The following NEO1 variants were observed in gnomAD, a reference collection of about 807,000 sequenced individuals.
NEO1 encodes the protein neogenin.
Under a neutral mutation model 159.7 loss-of-function variants are expected in NEO1, and 63 were observed. The observed-to-expected ratio is 0.39, with a 90% CI of 0.32 to 0.49. The LOEUF is 0.49. Ranked by LOEUF, NEO1 falls within the 20% of genes least tolerant of loss-of-function variation. NEO1 has a pLI of 0.85. For synonymous variants in NEO1, 633 were observed against 662.0 expected (o/e 0.96, Z 0.67); for missense variants, 1,615 against 1,831.0 (o/e 0.88, Z 2.15).
chr15:73,293,976 AC>A (rs1206116514), intron 26 of NEO1, among the ~76,000 whole-genome samples: 2 of 152,180 alleles, frequency 1.3e-5, no homozygotes, highest in African/African-American at 4.8e-5. Context: ...GGTTACTTCC[AC>A]CGTGGACCAA....
At chr15:73,235,549 A>C (rs1362873417) in intron 7 of NEO1, among the ~76,000 whole-genome samples, 1 of 152,208 alleles carries the variant, frequency 6.6e-6, no homozygotes. Flanking sequence ...GAGGTCTGCA[A>C]GCTGTTTCAG....
At chr15:73,244,981 A>AAAAAAAAAAAAAAAAC (rs1426485832) in intron 9 of NEO1, among the ~76,000 whole-genome samples, 3 of 148,112 alleles carry the variant, frequency 2.0e-5, no homozygotes, top group Non-Finnish European at 3.0e-5. Flanking sequence ...AAAAAAAAAA[A>AAAAAAAAAAAAAAAAC]AACAACAGCA....
chr15:73,208,278 T>TA (rs1459026287), intron 7 of NEO1, among the ~76,000 whole-genome samples: 2 of 152,204 alleles, frequency 1.3e-5, no homozygotes, highest in Non-Finnish European at 2.9e-5. Context: ...CCATTTCAAA[T>TA]AAGTGACATG....
chr15:73,220,755 C>T (rs1023891757), intron 7 of NEO1, among the ~76,000 whole-genome samples: 20 of 152,160 alleles, frequency 1.3e-4, no homozygotes, highest in Non-Finnish European at 2.2e-4. Context: ...ACGTAGTTCT[C>T]GAGCCTTGCT....
intron 15 of NEO1, among the ~76,000 whole-genome samples, chr15:73,264,458 A>T (rs971396529): frequency 6.6e-6 from 1 of 152,242 alleles, no homozygotes; most frequent in Non-Finnish European, 1.5e-5. Flanking sequence ...ATAGCGTTTG[A>T]AATAGAGAGA....
intron 2 of NEO1, among the ~76,000 whole-genome samples, chr15:73,117,167 T>A (rs948265489): frequency 6.6e-6 from 1 of 152,188 alleles, no homozygotes; most frequent in Non-Finnish European, 1.5e-5. Context: ...ATTAAATCAC[T>A]TTGACGGCCA....
chr15:73,136,577 A>G (rs968714143), intron 5 of NEO1, among the ~76,000 whole-genome samples: 2 of 152,108 alleles, frequency 1.3e-5, no homozygotes, highest in Non-Finnish European at 2.9e-5. Context: ...GTGCCTCTCA[A>G]TATAACTTGG....
At chr15:73,122,063 G>GTGTATATATATA (rs1290054672) in intron 2 of NEO1, among the ~76,000 whole-genome samples, 2 of 126,362 alleles carry the variant, frequency 1.6e-5, no homozygotes, top group Admixed American at 1.5e-4. Flanking sequence ...GTGTGTGTGT[G>GTGTATATATATA]TATATATATA....
chr15:73,090,979 T>G lies in NEO1; in HGVS notation c.131-25561T>G, dbSNP rs149237751. The stretch of plus-strand genomic sequence containing the variant: ...TGAGGCAGTTACTATTATCCCAATC[T>G]TATAGATGAGTAAACTGAGAATAAG... On this transcript the variant is annotated intron_variant, in intron 1 of 28. Coordinates refer to ENST00000261908, the MANE Select transcript of NEO1 (RefSeq NM_002499.4). Among the ~76,000 whole-genome samples the G allele has an allele frequency of 7.6e-3, 1,162 of 152,308 alleles. 7 individuals carry two copies. The highest frequency in any genetic ancestry group is 0.026 in the African/African-American group (1,061 of 41,558).
chr15:73,126,439 G>C lies in NEO1; in HGVS notation c.747G>C (p.Leu249Phe), dbSNP rs745561049. ...TAGATCCTGAGGTGATATCAGACTT[G>C]GTATTTTTGAAACAGCCTTCTCCCT... is the stretch of plus-strand genomic sequence containing the variant. Reference protein sequence around the residue: ...VLPDPEVISDLVFLKQPSPLV... With the variant: ...VLPDPEVISDFVFLKQPSPLV... The change falls in exon 4 of 29, where the codon TTG becomes TTC. Residue 249 changes from leucine to phenylalanine, a missense_variant. By Grantham distance (22) the Leu-to-Phe change is conservative. Around this residue, in one of 3 missense-constraint regions of NEO1, gnomAD observed 1,018 missense variants for 1,115.4 expected, o/e 0.91. Transcript: ENST00000261908. 4 of 1,600,840 alleles carry C rather than the reference G, an allele frequency of 2.5e-6. No individual in the cohort carries two copies. The East Asian group carries it at 9.0e-5, about 36-fold the overall frequency.
At chr15:73,171,003 GA>G (rs368313842) in intron 5 of NEO1, among the ~76,000 whole-genome samples, 2,394 of 138,746 alleles carry the variant, frequency 0.017, 91 homozygotes, top group South Asian at 0.13. Flanking sequence ...AGTCTCGGGG[GA>G]AAAAAAAAAA....
At chr15:73,285,448 T>G (rs1275884580) in intron 23 of NEO1, among the ~76,000 whole-genome samples, 1 of 152,240 alleles carries the variant, frequency 6.6e-6, no homozygotes, top group Non-Finnish European at 1.5e-5. Context: ...TTCTCTGTAT[T>G]GGCACGTCCT....
chr15:73,066,880 G>A (rs1178755544), intron 1 of NEO1, among the ~76,000 whole-genome samples: 1 of 152,194 alleles, frequency 6.6e-6, no homozygotes, highest in Non-Finnish European at 1.5e-5. Context: ...CCACATACCA[G>A]ATTTGTCCCT....
At chr15:73,136,221 C>G (rs1008069841) in intron 5 of NEO1, among the ~76,000 whole-genome samples, 194 bp downstream of exon 5, 1 of 152,098 alleles carries the variant, frequency 6.6e-6, no homozygotes, top group South Asian at 2.1e-4. Context: ...TATTTAATTT[C>G]TCTCAACCTC....
At chr15:73,134,530 T>C (rs79949463) in intron 4 of NEO1, among the ~76,000 whole-genome samples, 1 of 150,012 alleles carries the variant, frequency 6.7e-6, no homozygotes, top group Non-Finnish European at 1.5e-5. Flanking sequence ...TTTCCTCTGA[T>C]TTTTTTTTTA....
At chr15:73,218,784 AT>A in intron 7 of NEO1, among the ~76,000 whole-genome samples, 1 of 152,204 alleles carries the variant, frequency 6.6e-6, no homozygotes, top group Non-Finnish European at 1.5e-5. Flanking sequence ...CCCCTTTATC[AT>A]TTTTTATTGT....
intron 5 of NEO1, 102 bp from the exon 6 acceptor site, chr15:73,176,301 A>G (rs2035277405): frequency 1.4e-6 from 1 of 707,086 alleles, no homozygotes; most frequent in Non-Finnish European, 2.1e-6. Flanking sequence ...TCAAATAATG[A>G]GTAAAAATCC....
rs576566501 is a variant in NEO1, at chr15:73,269,425, A to G, written c.2495-585A>G. ...ACCCAGGCTGGAGTACAGTGGTGCA[A>G]TCTCAGCTCACCGCAGCCTCCATCT... On this transcript the variant is annotated intron_variant, in intron 16 of 28. Transcript: ENST00000261908. Among the ~76,000 whole-genome samples the G allele has an allele frequency of 8.7e-4, 132 of 152,148 alleles. 1 individual carries two copies. Among genetic ancestry groups the G allele is most frequent in the African/African-American group, 3.1e-3 (128 of 41,516 alleles).
intron 9 of NEO1, among the ~76,000 whole-genome samples, chr15:73,246,111 T>G (rs16957710): frequency 0.016 from 2,452 of 152,328 alleles, 36 homozygotes; most frequent in African/African-American, 0.045. Context: ...GCTGTAGAAC[T>G]TCACTTTCTA....
Sources: gnomAD v4.1 joint callset for allele counts (sites outside exome capture counted in the v4.1 genomes callset) on GRCh38, gnomAD v4.1.1 for gene constraint, gnomAD v4.1.1 regional missense constraint, MANE v1.5 for transcripts, NCBI Gene and HGNC (gene_info 2026-07-23, HGNC 2026-07-21) for gene names.